BET1L: variants seen among roughly 807,000 people sequenced by gnomAD.
BET1L encodes BET1-like protein.
Under a neutral mutation model 12.6 loss-of-function variants are expected in BET1L, and 13 were observed. That is an observed-to-expected ratio of 1.03 (90% CI 0.67 to 1.64). BET1L has a LOEUF of 1.64. Among genes scored for constraint, BET1L ranks in the 40% most tolerant of loss-of-function variants. The pLI, the probability that BET1L is intolerant of heterozygous loss-of-function variation, is 0.00. For synonymous variants in BET1L, 60 were observed against 56.9 expected (o/e 1.05, Z -0.25); for missense variants, 154 against 150.7 (o/e 1.02, Z -0.11).
intron 2 of BET1L, 117 bp from the exon 3 acceptor site, chr11:205,784 G>T: frequency 6.7e-7 from 1 of 1,487,020 alleles, no homozygotes; most frequent in Non-Finnish European, 9.1e-7. Context: ...TGGGGCTGCA[G>T]CAGACAGAAA....
In BET1L at chr11:206,706, C is replaced by T. The variant is rs527804233; in HGVS notation, c.19+597G>A. 1.1e-4 allele frequency among the ~76,000 whole-genome samples: 17 copies of T among 152,322 alleles called. No homozygotes were observed. The East Asian group carries it at 2.3e-3, about 21-fold the overall frequency. On this transcript the variant is annotated intron_variant, in intron 1 of 3. Coordinates refer to ENST00000382762, the MANE Select transcript of BET1L (RefSeq NM_001098787.2). Reference sequence around the variant, plus strand: ...GAGGCCTGGCCTGTGACAGGCTGGGCCAGGGGATAAGGAAGTTCTGTCACA... The same window carrying T: ...GAGGCCTGGCCTGTGACAGGCTGGGTCAGGGGATAAGGAAGTTCTGTCACA...
At chr11:205,574 G>A (rs766357971) in intron 3 of BET1L, 37 bp downstream of exon 3, 2 of 1,613,946 alleles carry the variant, frequency 1.2e-6, no homozygotes, top group Non-Finnish European at 1.7e-6. Context: ...GTAGTGCTAG[G>A]GCAGGGCACT....
intron 1 of BET1L, among the ~76,000 whole-genome samples, 194 bp from the exon 2 acceptor site, chr11:206,237 T>G (rs1206032000): frequency 6.6e-6 from 1 of 152,204 alleles, no homozygotes; most frequent in Non-Finnish European, 1.5e-5. Context: ...ACACATGTCC[T>G]GTGTACACAT....
chr11:205,523 C>A (rs776259272), intron 3 of BET1L, 54 bp from the exon 4 acceptor site: 8 of 1,614,072 alleles, frequency 5.0e-6, no homozygotes, highest in Non-Finnish European at 6.8e-6. Flanking sequence ...GACCACCCAC[C>A]CGCACCAGTG....
At chr11:206,349 T>C (rs1022821488) in intron 1 of BET1L, among the ~76,000 whole-genome samples, 3 of 152,224 alleles carry the variant, frequency 2.0e-5, no homozygotes, top group Non-Finnish European at 4.4e-5. Flanking sequence ...GCTAGTATGA[T>C]GTGACACTTG....
At chr11:205,565 T>C (rs1342991687) in intron 3 of BET1L, 46 bp downstream of exon 3, 1 of 1,614,116 alleles carries the variant, frequency 6.2e-7, no homozygotes, top group Non-Finnish European at 8.5e-7. Flanking sequence ...CTGCAGCAGG[T>C]AGTGCTAGGG....
At chr11:207,105 G>A in intron 1 of BET1L, 198 bp downstream of exon 1, 1 of 652,168 alleles carries the variant, frequency 1.5e-6, no homozygotes, top group Non-Finnish European at 2.4e-6. Context: ...CGCCACGCGC[G>A]CCTTCGGTCC....
intron 1 of BET1L, among the ~76,000 whole-genome samples, chr11:206,372 T>C (rs757545114): frequency 6.6e-6 from 1 of 151,992 alleles, no homozygotes; most frequent in Non-Finnish European, 1.5e-5. Context: ...TCCAGGGAGG[T>C]CACCATCTGT....
intron 3 of BET1L, 56 bp from the exon 4 acceptor site, chr11:205,525 G>T: frequency 6.2e-7 from 1 of 1,614,108 alleles, no homozygotes; most frequent in Non-Finnish European, 8.5e-7. Context: ...CCACCCACCC[G>T]CACCAGTGCT....
At chr11:205,919 C>A (rs1363197489) in intron 2 of BET1L, 33 bp downstream of exon 2, 4 of 1,603,024 alleles carry the variant, frequency 2.5e-6, no homozygotes, top group Non-Finnish European at 3.4e-6. Flanking sequence ...CCAAAGGCAC[C>A]AGGTGGAGGT....
intron 1 of BET1L, among the ~76,000 whole-genome samples, chr11:206,326 C>G (rs1327480531): frequency 6.6e-6 from 1 of 152,208 alleles, no homozygotes; most frequent in East Asian, 1.9e-4. Context: ...AAAACTGGAC[C>G]CAGCCCTGGG....
chr11:205,867 A>C, intron 2 of BET1L, 85 bp downstream of exon 2: 1 of 1,522,606 alleles, frequency 6.6e-7, no homozygotes, highest in Admixed American at 1.7e-5. Flanking sequence ...AAACTGCCTG[A>C]AACTCCTCTG....
In BET1L at chr11:205,102, C is replaced by T; in HGVS notation, c.*200G>A. On this transcript the variant is annotated 3_prime_UTR_variant, in exon 4 of 4. Transcript: ENST00000382762. ...GGGCCTTGGTTTCCCCGAGAGAGTC[C>T]CTTTCACACATGGGACCAGCCAACA... 1 of 683,530 alleles carries T rather than the reference C, an allele frequency of 1.5e-6. No individual in the cohort carries two copies. The highest frequency in any genetic ancestry group is 2.4e-6 in the Non-Finnish European group (1 of 424,230). The allele number at this position is 683,530 out of a possible 1,614,324, so 42.3% of individuals were successfully genotyped here. A position where few individuals can be genotyped will look rare whatever the true frequency, so the allele number is the denominator to read the frequency against.
chr11:205,092 CGA>C lies in BET1L; in HGVS notation c.*208_*209del, dbSNP rs1434987865. On this transcript the variant is annotated 3_prime_UTR_variant, in exon 4 of 4. Coordinates refer to ENST00000382762, the MANE Select transcript of BET1L (RefSeq NM_001098787.2). The stretch of plus-strand genomic sequence containing the variant: ...GGGAGGGGCTGGGCCTTGGTTTCCC[CGA>C]GAGAGTCCCTTTCACACATGGGACC... 6.1e-5 allele frequency: 39 copies of C among 643,384 alleles called. No individual in the cohort carries two copies. Among genetic ancestry groups the C allele is most frequent in the Non-Finnish European group, 9.7e-5 (38 of 392,664 alleles). The allele number at this position is 643,384 out of a possible 1,614,324, so 39.9% of individuals were successfully genotyped here.
At chr11:206,340 C>T (rs1564796491) in intron 1 of BET1L, among the ~76,000 whole-genome samples, 1 of 152,190 alleles carries the variant, frequency 6.6e-6, no homozygotes, top group African/African-American at 2.4e-5. Flanking sequence ...CCCTGGGGTG[C>T]TAGTATGATG....
chr11:206,114 C>G (rs754698162), intron 1 of BET1L, 71 bp from the exon 2 acceptor site: 4 of 1,369,748 alleles, frequency 2.9e-6, no homozygotes, highest in Non-Finnish European at 4.1e-6. Flanking sequence ...TCACTCCAAC[C>G]ACATCTGGGT....
In BET1L at chr11:205,802, G is replaced by T. The variant is rs554043577; in HGVS notation, c.112-135C>A. On this transcript the variant is annotated intron_variant, in intron 2 of 3. Coordinates refer to ENST00000382762, the MANE Select transcript of BET1L (RefSeq NM_001098787.2). ...GGCTGCAGCAGACAGAAAGGTCCAG[G>T]TGTCAGCTGGGGCCTCATGCAGGTG... 1.5e-4 allele frequency: 218 copies of T among 1,450,852 alleles called. No homozygotes were observed. The African/African-American group carries it at 2.8e-3, about 19-fold the overall frequency. 89.9% of individuals were successfully genotyped at this position (1,450,852 alleles called of 1,614,324 possible).
chr11:207,378 C>T lies in BET1L; in HGVS notation c.-57G>A. On this transcript the variant is annotated 5_prime_UTR_variant, in exon 1 of 4. Transcript: ENST00000382762. Reference sequence around the variant, plus strand: ...CCGACGCGGCCACAGCCGCCTCAGACGTGGCGCAGTCGCGGGGAAAGAGCT... The same window carrying T: ...CCGACGCGGCCACAGCCGCCTCAGATGTGGCGCAGTCGCGGGGAAAGAGCT... The T allele has an allele frequency of 1.3e-6, 2 of 1,507,448 alleles. No individual in the cohort carries two copies. The highest frequency in any genetic ancestry group is 1.8e-6 in the Non-Finnish European group (2 of 1,133,468). 93.4% of individuals were successfully genotyped at this position (1,507,448 alleles called of 1,614,324 possible).
At position 207,354 on chromosome 11, in the gene BET1L, C is replaced by CGCCTCA. The variant is rs1564796955; in HGVS notation, c.-34_-33insTGAGGC. On this transcript the variant is annotated 5_prime_UTR_variant, in exon 1 of 4. Coordinates refer to ENST00000382762, the MANE Select transcript of BET1L (RefSeq NM_001098787.2). ...TGCCCCGGCTCCTCGACGCGGACAC[C>CGCCTCA]GACGCGGCCACAGCCGCCTCAGACG... The CGCCTCA allele has an allele frequency of 1.5e-5, 17 of 1,099,334 alleles. No homozygotes were observed. Among genetic ancestry groups the CGCCTCA allele is most frequent in the South Asian group, 5.5e-5 (4 of 73,024 alleles). 68.1% of individuals were successfully genotyped at this position (1,099,334 alleles called of 1,614,324 possible).
Sources: allele counts gnomAD v4.1 joint callset (sites outside exome capture counted in the v4.1 genomes callset), GRCh38; gene constraint gnomAD v4.1.1; transcripts MANE v1.5; gene names NCBI Gene and HGNC (gene_info 2026-07-23, HGNC 2026-07-21).